Variants in LYPD6 observed in about 807,000 individuals in gnomAD.
The protein encoded by LYPD6 is LY6/PLAUR domain containing 6, also known as ly6/PLAUR domain-containing protein 6.
LYPD6 carries 15 observed loss-of-function variants against 22.7 expected under a neutral mutation model. The ratio of observed to expected loss-of-function variants is 0.66; its 90% CI spans 0.44 to 1.02. The LOEUF is 1.02. Ranked by LOEUF, LYPD6 falls within the 50% of genes least tolerant of loss-of-function variation. The pLI is 0.00. For missense variants in LYPD6, 189 were observed against 208.4 expected (o/e 0.91, Z 0.57); for synonymous variants, 72 against 77.5 (o/e 0.93, Z 0.37).
chr2:149,386,261 G>C (rs1682182463), intron 1 of LYPD6, among the ~76,000 whole-genome samples: 1 of 152,062 alleles, frequency 6.6e-6, no homozygotes, highest in Non-Finnish European at 1.5e-5. Flanking sequence ...AGAGTATTTT[G>C]GTTTCCATTA....
the LYPD6 span, among the ~76,000 whole-genome samples, chr2:149,481,434 G>C: frequency 6.6e-6 from 1 of 152,178 alleles, no homozygotes; most frequent in Non-Finnish European, 1.5e-5. Flanking sequence ...CTATGAGAAT[G>C]GACATATTCT....
chr2:149,377,786 C>T (rs914097416), intron 1 of LYPD6, among the ~76,000 whole-genome samples: 10 of 116,624 alleles, frequency 8.6e-5, no homozygotes, highest in African/African-American at 1.9e-4. Flanking sequence ...TCCCCACCCC[C>T]CCCCCCACCC....
intron 3 of LYPD6, chr2:149,464,421 C>A (rs1156845918): frequency 8.9e-6 from 2 of 223,960 alleles, no homozygotes; most frequent in African/African-American, 4.8e-5. Flanking sequence ...TACTATGTCT[C>A]AAGGTATATA....
At chr2:149,374,689 A>G (rs563012920) in intron 1 of LYPD6, among the ~76,000 whole-genome samples, 2 of 152,262 alleles carry the variant, frequency 1.3e-5, no homozygotes, top group South Asian at 4.1e-4. Context: ...GTCTATAGTA[A>G]GTTTCCCTCT....
chr2:149,479,160 A>G, the LYPD6 span, among the ~76,000 whole-genome samples: 1 of 152,136 alleles, frequency 6.6e-6, no homozygotes, highest in Non-Finnish European at 1.5e-5. Context: ...GCTTCGTTCA[A>G]CACTTCGTCT....
downstream of LYPD6, among the ~76,000 whole-genome samples, chr2:149,475,540 C>T (rs190295333): frequency 6.6e-6 from 1 of 152,308 alleles, no homozygotes; most frequent in African/African-American, 2.4e-5. Flanking sequence ...GTTACTCTGT[C>T]TAGCTCTTGT....
rs557127711 is a variant in LYPD6, at chr2:149,393,060, G to A, written c.-71-44578G>A. 5.4e-4 allele frequency among the ~76,000 whole-genome samples: 82 copies of A among 152,298 alleles called. No homozygotes were observed. The Middle Eastern group carries it at 0.01, about 19-fold the overall frequency. On this transcript the variant is annotated intron_variant, in intron 1 of 4. Transcript: ENST00000334166. ...GACCAATCTTTGTACTTTGGCCCAG[G>A]TGCATGGTGAAGTGTATGGTCTTGT...
intron 1 of LYPD6, among the ~76,000 whole-genome samples, chr2:149,375,447 G>T (rs1559129325): frequency 6.6e-6 from 1 of 152,080 alleles, no homozygotes. Flanking sequence ...GCACTGATGT[G>T]GTCCTGCCCT....
chr2:149,399,977 T>C (rs1235374558), intron 1 of LYPD6, among the ~76,000 whole-genome samples: 1 of 152,166 alleles, frequency 6.6e-6, no homozygotes, highest in South Asian at 2.1e-4. Flanking sequence ...GGACCACACT[T>C]TTGCTGGTCC....
In LYPD6 at chr2:149,468,144, C is replaced by CACACACACACAA. The variant is rs1402938430; in HGVS notation, c.218-490_218-489insAACACACACACA. Among the ~76,000 whole-genome samples the CACACACACACAA allele has an allele frequency of 3.5e-3, 471 of 132,852 alleles. 1 individual carries two copies. Among genetic ancestry groups the CACACACACACAA allele is most frequent in the Non-Finnish European group, 5.5e-3 (357 of 64,482 alleles). The allele number at this position is 132,852 out of a possible 152,430, so 87.2% of individuals were successfully genotyped here. On this transcript the variant is annotated intron_variant, in intron 3 of 4. Coordinates refer to ENST00000334166, the MANE Select transcript of LYPD6 (RefSeq NM_194317.5). ...GCTGCTTCCCCCCAACACACACACACACACACACACACACACACACACACA... is the reference window on the plus strand; with the variant it reads ...GCTGCTTCCCCCCAACACACACACACACACACACACAAACACACACACACACACACACACACA...
chr2:149,417,096 C>T (rs1319338322), intron 1 of LYPD6, among the ~76,000 whole-genome samples: 2 of 152,120 alleles, frequency 1.3e-5, no homozygotes, highest in African/African-American at 4.8e-5. Flanking sequence ...TAGAACCCAG[C>T]TCATGATGGG....
At chr2:149,386,713 G>A (rs985359138) in intron 1 of LYPD6, among the ~76,000 whole-genome samples, 4 of 152,182 alleles carry the variant, frequency 2.6e-5, no homozygotes, top group Non-Finnish European at 4.4e-5. Context: ...GGGAGAGAAT[G>A]GATATAAAGT....
chr2:149,345,509 G>T (rs1681238529), intron 1 of LYPD6, among the ~76,000 whole-genome samples: 1 of 150,762 alleles, frequency 6.6e-6, no homozygotes, highest in Admixed American at 6.6e-5. Context: ...TAGAGACAGG[G>T]TTTCACCATG....
chr2:149,420,015 A>G (rs11883543), intron 1 of LYPD6, among the ~76,000 whole-genome samples: 38,209 of 152,152 alleles, frequency 0.25, 5,518 homozygotes, highest in African/African-American at 0.4. Flanking sequence ...CATTACTTGT[A>G]TTTATTCCCT....
At chr2:149,445,251 G>T (rs1475948817) in intron 2 of LYPD6, among the ~76,000 whole-genome samples, 1 of 152,156 alleles carries the variant, frequency 6.6e-6, no homozygotes, top group Non-Finnish European at 1.5e-5. Flanking sequence ...TGTCATCCAG[G>T]CTTTGTTGTT....
intron 1 of LYPD6, chr2:149,367,649 G>A (rs1227124410): frequency 2.0e-5 from 3 of 152,106 alleles, no homozygotes; most frequent in African/African-American, 7.2e-5. Flanking sequence ...CAAAACCTTT[G>A]TGAGGTCATA....
chr2:149,449,041 T>C lies in LYPD6; in HGVS notation c.119-8T>C, dbSNP rs756410711. 19 of 1,603,672 alleles carry C rather than the reference T, an allele frequency of 1.2e-5. No homozygotes were observed. The South Asian group carries it at 1.8e-4, about 15-fold the overall frequency. ...AAATTAATCTTTTCTCTTAATCCTT[T>C]TTTTTAGCCACACCATATCCTGGTG... is the stretch of plus-strand genomic sequence containing the variant. On this transcript the variant is annotated splice_region_variant and splice_polypyrimidine_tract_variant and intron_variant, in intron 2 of 4. Coordinates refer to ENST00000334166, the MANE Select transcript of LYPD6 (RefSeq NM_194317.5).
intron 1 of LYPD6, among the ~76,000 whole-genome samples, chr2:149,415,126 A>G (rs1040138112): frequency 6.6e-6 from 1 of 152,180 alleles, no homozygotes; most frequent in Non-Finnish European, 1.5e-5. Flanking sequence ...TCCAATGGGA[A>G]AGAGACATTC....
At chr2:149,402,036 C>A (rs1682568055) in intron 1 of LYPD6, among the ~76,000 whole-genome samples, 1 of 151,978 alleles carries the variant, frequency 6.6e-6, no homozygotes, top group Non-Finnish European at 1.5e-5. Context: ...AGGCTTAAAA[C>A]CTAGATGACG....
Sources: gnomAD v4.1 joint callset for allele counts (sites outside exome capture counted in the v4.1 genomes callset) on GRCh38, gnomAD v4.1.1 for gene constraint, MANE v1.5 for transcripts, NCBI Gene and HGNC (gene_info 2026-07-23, HGNC 2026-07-21) for gene names.